The following CNIH3 variants were observed in gnomAD, a reference collection of about 807,000 sequenced individuals.
CNIH3 encodes the protein protein cornichon homolog 3.
CNIH3 carries 14 observed loss-of-function variants against 24.1 expected under a neutral mutation model. That is an observed-to-expected ratio of 0.58 (90% CI 0.38 to 0.91). The LOEUF (loss-of-function observed/expected upper bound fraction) is 0.91, where lower values mean the gene tolerates loss of function less well. CNIH3 is among the 40% of genes least tolerant of loss of function. The pLI is 0.00. For missense variants in CNIH3, 178 were observed against 196.8 expected (o/e 0.90, Z 0.57); for synonymous variants, 68 against 73.8 (o/e 0.92, Z 0.40).
intron 2 of CNIH3, 38 bp downstream of exon 2, chr1:224,681,064 C>A: frequency 6.5e-7 from 1 of 1,540,914 alleles, no homozygotes; most frequent in Non-Finnish European, 9.0e-7. Context: ...GGTGCTATCA[C>A]CCCAGGCTAC....
chr1:224,699,219 T>C (rs1687346779), intron 3 of CNIH3, among the ~76,000 whole-genome samples: 1 of 152,214 alleles, frequency 6.6e-6, no homozygotes, highest in Non-Finnish European at 1.5e-5. Context: ...TCTTCTCTAG[T>C]CTGACTACCA....
At chr1:224,552,702 A>G (rs1679972066) in intron 3 of CNIH3, among the ~76,000 whole-genome samples, 1 of 151,564 alleles carries the variant, frequency 6.6e-6, no homozygotes, top group Non-Finnish European at 1.5e-5. Context: ...TTTTAGGAGT[A>G]ATGTATCTCG....
At chr1:224,541,357 T>C (rs972506059), downstream of CNIH3, among the ~76,000 whole-genome samples, 5 of 152,294 alleles carry the variant, frequency 3.3e-5, no homozygotes, top group Admixed American at 2.0e-4. Context: ...GTTGTATCAC[T>C]GGCACTACTT....
intron 2 of CNIH3, among the ~76,000 whole-genome samples, chr1:224,532,036 G>A (rs574823654): frequency 6.6e-6 from 1 of 152,224 alleles, no homozygotes; most frequent in African/African-American, 2.4e-5. Context: ...GGGTGGGAGG[G>A]AAGTCAGACA....
chr1:224,685,711 G>A (rs1391435773), intron 3 of CNIH3, among the ~76,000 whole-genome samples: 1 of 152,130 alleles, frequency 6.6e-6, no homozygotes, highest in Non-Finnish European at 1.5e-5. Context: ...AGCTTTTAAA[G>A]TTTTTTCTGT....
chr1:224,738,353 C>T (rs539696239), intron 5 of CNIH3, among the ~76,000 whole-genome samples: 9 of 152,238 alleles, frequency 5.9e-5, no homozygotes, highest in Non-Finnish European at 1.3e-4. Context: ...GCCCTGCTGT[C>T]ACTCCTCATC....
chr1:224,617,501 C>T (rs1481833169), intron 1 of CNIH3, among the ~76,000 whole-genome samples: 1 of 152,162 alleles, frequency 6.6e-6, no homozygotes, highest in Non-Finnish European at 1.5e-5. Context: ...CTGGGCGTCC[C>T]GGGTCCCGGG....
At chr1:224,535,862 T>TGCCTAGTG (rs1043086291) in intron 2 of CNIH3, among the ~76,000 whole-genome samples, 1 of 152,230 alleles carries the variant, frequency 6.6e-6, no homozygotes, top group African/African-American at 2.4e-5. Flanking sequence ...AGGAGATGGC[T>TGCCTAGTG]GCCTAGTGGG....
intron 2 of CNIH3, among the ~76,000 whole-genome samples, chr1:224,534,107 G>A (rs1312116017): frequency 1.3e-5 from 2 of 152,228 alleles, no homozygotes; most frequent in Non-Finnish European, 2.9e-5. Context: ...TGAGGCTTCA[G>A]TGAGCCATGA....
chr1:224,698,982 A>AAACTCGGAGGGCTAT (rs1553293158), intron 3 of CNIH3, among the ~76,000 whole-genome samples: 20 of 151,940 alleles, frequency 1.3e-4, no homozygotes, highest in African/African-American at 4.8e-4. Context: ...TGGGGAGCTG[A>AAACTCGGAGGGCTAT]GAGGTCACTT....
exon 1 of CNIH3, chr1:224,434,680 G>A: frequency 1.1e-6 from 1 of 874,970 alleles, no homozygotes. Context: ...CTGAGCCCCG[G>A]CAGTGGCTGC....
intron 4 of CNIH3, 104 bp from the exon 5 acceptor site, chr1:224,734,459 C>T (rs1689492350): frequency 1.7e-6 from 2 of 1,196,828 alleles, no homozygotes; most frequent in African/African-American, 3.0e-5. Flanking sequence ...CAGGCAATTG[C>T]TTGGCAGGGA....
At chr1:224,465,102 T>A (rs1676101317) in intron 1 of CNIH3, among the ~76,000 whole-genome samples, 1 of 151,158 alleles carries the variant, frequency 6.6e-6, no homozygotes, top group Admixed American at 6.6e-5. Context: ...CCAAGATAGT[T>A]AGAATTATCT....
intron 3 of CNIH3, among the ~76,000 whole-genome samples, chr1:224,608,382 T>C (rs7538777): frequency 0.028 from 4,280 of 152,252 alleles, 212 homozygotes; most frequent in African/African-American, 0.098. Flanking sequence ...GCAAGACTCA[T>C]GTCTCAAAAA....
At chr1:224,550,440 AGCAAT>A (rs1028440336) in intron 3 of CNIH3, among the ~76,000 whole-genome samples, 2 of 152,196 alleles carry the variant, frequency 1.3e-5, no homozygotes, top group African/African-American at 4.8e-5. Flanking sequence ...TAAATATCAT[AGCAAT>A]GATATTTCAT....
intron 1 of CNIH3, among the ~76,000 whole-genome samples, chr1:224,477,399 G>A (rs1676631998): frequency 6.6e-6 from 1 of 152,166 alleles, no homozygotes; most frequent in Non-Finnish European, 1.5e-5. Flanking sequence ...TCTTCTGCCT[G>A]CTTATATTGG....
intron 1 of CNIH3, among the ~76,000 whole-genome samples, chr1:224,448,238 CA>C (rs1273485738): frequency 7.3e-6 from 1 of 136,520 alleles, no homozygotes; most frequent in Non-Finnish European, 1.5e-5. Flanking sequence ...TCCTGTCTCC[CA>C]AAAAACACAC....
chr1:224,643,917 C>G (rs74146220), intron 1 of CNIH3, among the ~76,000 whole-genome samples: 3,489 of 152,264 alleles, frequency 0.023, 108 homozygotes, highest in African/African-American at 0.077. Context: ...CTGGCTGTCT[C>G]ACTGCTGTGG....
intron 4 of CNIH3, chr1:224,574,901 G>C: frequency 9.9e-7 from 1 of 1,013,882 alleles, no homozygotes; most frequent in Non-Finnish European, 1.6e-6. Flanking sequence ...AAGGGCTGGT[G>C]AAAGCTATTG....
Sources: allele counts gnomAD v4.1 joint callset (sites outside exome capture counted in the v4.1 genomes callset), GRCh38; gene constraint gnomAD v4.1.1; transcripts MANE v1.5; gene names NCBI Gene and HGNC (gene_info 2026-07-23, HGNC 2026-07-21).